OPN1SW: variants seen among roughly 807,000 people sequenced by gnomAD.
The protein encoded by OPN1SW is short-wave-sensitive opsin 1.
A neutral mutation model predicts 31.9 loss-of-function variants in OPN1SW; 25 were observed. The observed-to-expected ratio is 0.78, with a 90% CI of 0.57 to 1.09. The LOEUF is 1.09. OPN1SW is among the 50% of genes least tolerant of loss of function. OPN1SW has a pLI of 0.00. For synonymous variants in OPN1SW, 190 were observed against 171.9 expected (o/e 1.11, Z -0.82); for missense variants, 424 against 448.0 (o/e 0.95, Z 0.48).
At chr7:128,773,194 G>T (rs959037998) in intron 4 of OPN1SW, among the ~76,000 whole-genome samples, 3 of 152,208 alleles carry the variant, frequency 2.0e-5, no homozygotes, top group African/African-American at 2.4e-5. Flanking sequence ...ACACATGCTC[G>T]TGCAGGCTAA....
At chr7:128,773,120 C>T (rs1801657300) in intron 4 of OPN1SW, among the ~76,000 whole-genome samples, 1 of 152,122 alleles carries the variant, frequency 6.6e-6, no homozygotes, top group Non-Finnish European at 1.5e-5. Flanking sequence ...TAGGAAATCC[C>T]CCAGTACCTT....
In OPN1SW at chr7:128,772,601, G is replaced by A; in HGVS notation, c.977C>T (p.Thr326Ile). 1.2e-6 allele frequency: 2 copies of A among 1,614,214 alleles called. No homozygotes were observed. Among genetic ancestry groups the A allele is most frequent in the Non-Finnish European group, 1.7e-6 (2 of 1,180,016 alleles). ...CGKAMTDESD[T>I]CSSQKTEVST... ...AACTTCTGTTTTCTGGGAGCTGCAT[G>A]TGTCGGATTCATCTGTCATGGCCTT... Residue 326 changes from threonine (T) to isoleucine (I), a missense_variant, in exon 5 of 5, where the codon ACA becomes ATA. Physicochemically the swap from Thr to Ile is moderately conservative, Grantham distance 89 (BLOSUM62 -1). Transcript: ENST00000249389.
rs1258113518 is a variant in OPN1SW, at chr7:128,773,008, T to C, written c.919-349A>G. 5.9e-5 allele frequency among the ~76,000 whole-genome samples: 9 copies of C among 152,216 alleles called. No individual in the cohort carries two copies. In the East Asian group the frequency reaches 1.7e-3, roughly 29 times the overall value. ...TCTTCTATCCAGGGAGGTTTCAAAT[T>C]AGTTTTGAGTCTACCTCTGGGATTG... On this transcript the variant is annotated intron_variant, in intron 4 of 4. Transcript: ENST00000249389.
At position 128,775,614 on chromosome 7, in the gene OPN1SW, T is replaced by C. The variant is rs138675255; in HGVS notation, c.168A>G (p.Thr56=). 2.5e-6 allele frequency: 4 copies of C among 1,614,056 alleles called. No homozygotes were observed. The highest frequency in any genetic ancestry group is 1.3e-5 in the African/African-American group (1 of 74,926). ...FPLNAMVLVA[T]LRYKKLRQPL... is the part of the protein sequence containing the mutation. The stretch of plus-strand genomic sequence containing the variant: ...GCTGCCGCAACTTTTTGTAGCGCAG[T>C]GTGGCCACCAGCACCATGGCATTGA... Residue 56 remains threonine, a synonymous_variant, in exon 1 of 5, where the codon ACA becomes ACG. Transcript: ENST00000249389.
chr7:128,772,800 C>T (rs1026440721), intron 4 of OPN1SW, 141 bp from the exon 5 acceptor site: 9 of 1,120,852 alleles, frequency 8.0e-6, no homozygotes, highest in Non-Finnish European at 1.2e-5. Context: ...CTATCTTCCC[C>T]ATCCTGAAAA....
rs182633734 is a variant in OPN1SW at position 128,774,509 on chromosome 7, C to T, written c.667G>A (p.Ala223Thr). The T allele has an allele frequency of 3.1e-6, 5 of 1,613,922 alleles. No homozygotes were observed. Among genetic ancestry groups the T allele is most frequent in the Non-Finnish European group, 3.4e-6 (4 of 1,180,024 alleles). The change falls in exon 3 of 5, where the codon GCC becomes ACC. Residue 223 changes from alanine to threonine, a missense_variant. By Grantham distance (58) the Ala-to-Thr change is moderately conservative. Transcript: ENST00000249389. ...CAAATGCCACTCACAGCTTTCAGGG[C>T]CCTCAGCAGCTGAGTGTAGGAGAAG... The part of the protein sequence containing the change: ...ICFSYTQLLR[A>T]LKAVAAQQQE...
At chr7:128,772,732 T>A in intron 4 of OPN1SW, 73 bp from the exon 5 acceptor site, 1 of 1,595,758 alleles carries the variant, frequency 6.3e-7, no homozygotes, top group South Asian at 1.1e-5. Flanking sequence ...TTATTCTCTG[T>A]ATCACCAAAG....
chr7:128,773,541 C>T lies in OPN1SW; in HGVS notation c.918+108G>A, dbSNP rs577258091. 2.8e-5 allele frequency: 41 copies of T among 1,482,042 alleles called. No homozygotes were observed. The East Asian group carries it at 5.9e-4, about 21-fold the overall frequency. The allele number at this position is 1,482,042 out of a possible 1,614,324, so 91.8% of individuals were successfully genotyped here. A position where few individuals can be genotyped will look rare whatever the true frequency, so the allele number is the denominator to read the frequency against. ...TACTCGGGGGTTTTGTGGCTTCCCTCGTCTACTAGAAACCTGGGTAGAGTC... is the reference window on the plus strand; with the variant it reads ...TACTCGGGGGTTTTGTGGCTTCCCTTGTCTACTAGAAACCTGGGTAGAGTC... On this transcript the variant is annotated intron_variant, in intron 4 of 4. Transcript: ENST00000249389.
At chr7:128,773,932 C>T in intron 3 of OPN1SW, 44 bp from the exon 4 acceptor site, 3 of 1,561,844 alleles carry the variant, frequency 1.9e-6, no homozygotes, top group Non-Finnish European at 2.6e-6. Context: ...TTTTTCCTGG[C>T]CCTCTGGATG....
Position 128,774,593 on chromosome 7 carries a change from C to T in OPN1SW, c.583G>A (p.Glu195Lys), listed in dbSNP as rs773124378. Residue 195 changes from glutamate to lysine, a missense_variant, in exon 3 of 5, where the codon GAG becomes AAG. Glu to Lys is a moderately conservative substitution (Grantham distance 56). Coordinates refer to ENST00000249389, the MANE Select transcript of OPN1SW (RefSeq NM_001385125.1). ...WYTVGTKYRSESYTWFLFIFC... is the reference protein window; with the variant it reads ...WYTVGTKYRSKSYTWFLFIFC... Reference sequence around the variant, plus strand: ...ATGAAGAGGAACCACGTATAGGACTCGCTGCGGTATTTGGTGCCCACGGTG... The same window carrying T: ...ATGAAGAGGAACCACGTATAGGACTTGCTGCGGTATTTGGTGCCCACGGTG... 115 of 1,614,020 alleles carry T rather than the reference C, an allele frequency of 7.1e-5. No homozygotes were observed. The highest frequency in any genetic ancestry group is 8.9e-5 in the Non-Finnish European group (105 of 1,180,030).
intron 1 of OPN1SW, 55 bp downstream of exon 1, chr7:128,775,384 C>T (rs1031313661): frequency 1.9e-6 from 3 of 1,547,170 alleles, no homozygotes; most frequent in Non-Finnish European, 2.6e-6. Flanking sequence ...TAGGAACCCC[C>T]TCCAGTGGAG....
In OPN1SW at chr7:128,772,486, T is replaced by TA. The variant is rs766373331; in HGVS notation, c.*53dup. ...GTTTCTGACGGAGACAATAGAAACT[T>TA]ACTTAAAAGTAAAATTTAATTCTAG... On this transcript the variant is annotated 3_prime_UTR_variant, in exon 5 of 5. Transcript: ENST00000249389. The TA allele has an allele frequency of 6.2e-7, 1 of 1,610,364 alleles. No homozygotes were observed. The highest frequency in any genetic ancestry group is 8.5e-7 in the Non-Finnish European group (1 of 1,176,866).
chr7:128,775,484 C>A lies in OPN1SW; in HGVS notation c.298G>T (p.Gly100Cys). ...CCCTCCAAAGCACAAACATGGCGAC[C>A]GAAGACGAAGTATCCGTTACAGCTG... is the stretch of plus-strand genomic sequence containing the variant. ...VASCNGYFVF[G>C]RHVCALEGFL... Residue 100 changes from glycine (G) to cysteine (C), a missense_variant, in exon 1 of 5, where the codon GGT becomes TGT. Coordinates refer to ENST00000249389, the MANE Select transcript of OPN1SW (RefSeq NM_001385125.1). The A allele has an allele frequency of 6.2e-7, 1 of 1,613,818 alleles. No individual in the cohort carries two copies. The highest frequency in any genetic ancestry group is 1.3e-5 in the African/African-American group (1 of 74,988).
intron 2 of OPN1SW, 38 bp from the exon 3 acceptor site, chr7:128,774,701 C>G (rs367616566): frequency 6.2e-7 from 1 of 1,611,998 alleles, no homozygotes; most frequent in African/African-American, 1.3e-5. Context: ...GGACTCTCCA[C>G]AAGAGTGCAG....
chr7:128,774,490 C>CCACTCACAG lies in OPN1SW; in HGVS notation c.677_678+7dup, dbSNP rs752249368. The CCACTCACAG allele has an allele frequency of 3.7e-6, 6 of 1,613,572 alleles. No individual in the cohort carries two copies. The Admixed American group carries it at 1.0e-4, about 27-fold the overall frequency. On this transcript the variant is annotated splice_region_variant and intron_variant, in intron 3 of 4. Transcript: ENST00000249389. ...CCCCTTCTTCCCTGACTATCAAATG[C>CCACTCACAG]CACTCACAGCTTTCAGGGCCCTCAG... is the stretch of plus-strand genomic sequence containing the variant.
chr7:128,774,653 C>T lies in OPN1SW; in HGVS notation c.523G>A (p.Glu175Lys), dbSNP rs1447843050. The T allele has an allele frequency of 6.2e-7, 1 of 1,614,020 alleles. No individual in the cohort carries two copies. Among genetic ancestry groups the T allele is most frequent in the South Asian group, 1.1e-5 (1 of 91,090 alleles). The change falls in exon 3 of 5, where the codon GAG becomes AAG. Residue 175 changes from glutamate to lysine, a missense_variant. Physicochemically the swap from Glu to Lys is moderately conservative, Grantham distance 56. Coordinates refer to ENST00000249389, the MANE Select transcript of OPN1SW (RefSeq NM_001385125.1). The part of the protein sequence containing the change: ...PFFGWSRFIP[E>K]GLQCSCGPDW... ...GGGCCACAGGAACACTGCAGGCCCTCAGGGATGAACCTGCAAAGGACCAAA... is the reference window on the plus strand; with the variant it reads ...GGGCCACAGGAACACTGCAGGCCCTTAGGGATGAACCTGCAAAGGACCAAA...
At position 128,774,600 on chromosome 7, in the gene OPN1SW, G is replaced by T; in HGVS notation, c.576C>A (p.Tyr192Ter). Residue 192 changes from tyrosine to a stop codon, truncating the protein, a stop_gained, in exon 3 of 5, where the codon TAC becomes TAA. Transcript: ENST00000249389. LOFTEE classifies it high-confidence loss of function. Reference sequence around the variant, plus strand: ...GGAACCACGTATAGGACTCGCTGCGGTATTTGGTGCCCACGGTGTACCAGT... The same window carrying T: ...GGAACCACGTATAGGACTCGCTGCGTTATTTGGTGCCCACGGTGTACCAGT... ...GPDWYTVGTK[Y>*]RSESYTWFLF... 6.2e-7 allele frequency: 1 copy of T among 1,614,174 alleles called. No homozygotes were observed. The highest frequency in any genetic ancestry group is 1.1e-5 in the South Asian group (1 of 91,084).
At position 128,773,743 on chromosome 7, in the gene OPN1SW, T is replaced by C. The variant is rs1213834485; in HGVS notation, c.824A>G (p.His275Arg). The C allele has an allele frequency of 2.5e-6, 4 of 1,614,172 alleles. No homozygotes were observed. The South Asian group carries it at 4.4e-5, about 18-fold the overall frequency. Residue 275 changes from histidine to arginine, a missense_variant, in exon 4 of 5, where the codon CAT (histidine) becomes CGT (arginine). Physicochemically the swap from His to Arg is conservative, Grantham distance 29. Coordinates refer to ENST00000249389, the MANE Select transcript of OPN1SW (RefSeq NM_001385125.1). Reference protein sequence around the residue: ...FAMYMVNNRNHGLDLRLVTIP... With the variant: ...FAMYMVNNRNRGLDLRLVTIP... ...GGTGACAAGCCGTAAGTCCAGCCCA[T>C]GGTTACGGTTGTTGACCATGTACAT...
rs757431387 is a variant in OPN1SW, at chr7:128,775,051, C to G, written c.447G>C (p.Thr149=). The part of the protein sequence containing the change: ...NFRFSSKHAL[T]VVLATWTIGI... Reference sequence around the variant, plus strand: ...CAATGGTCCAGGTAGCCAGGACCACCGTCAGTGCATGCTTGGAGCTGAAGC... The same window carrying G: ...CAATGGTCCAGGTAGCCAGGACCACGGTCAGTGCATGCTTGGAGCTGAAGC... Residue 149 remains threonine, a synonymous_variant, in exon 2 of 5, where the codon ACG becomes ACC. Transcript: ENST00000249389. 1 of 1,614,058 alleles carries G rather than the reference C, an allele frequency of 6.2e-7. No individual in the cohort carries two copies.
Sources: allele counts gnomAD v4.1 joint callset (sites outside exome capture counted in the v4.1 genomes callset), GRCh38; gene constraint gnomAD v4.1.1; transcripts MANE v1.5; gene names NCBI Gene and HGNC (gene_info 2026-07-23, HGNC 2026-07-21).